Variants in SCAMP4 observed in about 807,000 individuals in gnomAD.
SCAMP4 encodes the protein secretory carrier membrane protein 4.
SCAMP4 carries 19 observed loss-of-function variants against 32.1 expected under a neutral mutation model. The ratio of observed to expected loss-of-function variants is 0.59; its 90% CI spans 0.41 to 0.87. The LOEUF (loss-of-function observed/expected upper bound fraction) is 0.87. Among genes scored for constraint, SCAMP4 ranks in the 40% least tolerant of loss-of-function variants. The probability of loss-of-function intolerance (pLI) is 0.00; values close to 1 mark genes in which losing one functional copy is unlikely to be tolerated. For synonymous variants in SCAMP4, 152 were observed against 132.7 expected, an observed-to-expected ratio of 1.15 and a Z score of -1.00; for missense variants, 302 against 309.0, an observed-to-expected ratio of 0.98 and a Z score of 0.17.
At chr19:1,923,333 G>T in intron 6 of SCAMP4, 146 bp downstream of exon 6, 1 of 701,840 alleles carries the variant, frequency 1.4e-6, no homozygotes, top group Non-Finnish European at 2.3e-6. Flanking sequence ...GCAGTGAGCT[G>T]GGATGACAGC....
rs796715937 is a variant in SCAMP4 at position 1,917,908 on chromosome 19, C to T, written c.136+86C>T. Reference sequence around the variant, plus strand: ...TGGCATTCAGGCAGGGGCAGCCCGTCGGGGGCCCACCGTCTACTGAAGCCG... The same window carrying T: ...TGGCATTCAGGCAGGGGCAGCCCGTTGGGGGCCCACCGTCTACTGAAGCCG... On this transcript the variant is annotated intron_variant, in intron 3 of 6. Coordinates refer to ENST00000316097, the MANE Select transcript of SCAMP4 (RefSeq NM_079834.4). 37 of 1,552,480 alleles carry T rather than the reference C, an allele frequency of 2.4e-5. 2 individuals carry two copies. Among genetic ancestry groups the T allele is most frequent in the African/African-American group, 1.6e-4 (12 of 74,046 alleles).
intron 4 of SCAMP4, 25 bp from the exon 5 acceptor site, chr19:1,918,864 C>T (rs925963769): frequency 3.2e-6 from 5 of 1,583,454 alleles, no homozygotes; most frequent in East Asian, 4.6e-5. Flanking sequence ...CTGTGGTAAC[C>T]GTCGTGTTTT....
rs754448917 is a variant in SCAMP4, at chr19:1,912,598, A to C, written c.-41-2381A>C. The C allele has an allele frequency of 1.3e-6, 2 of 1,489,130 alleles. No homozygotes were observed. The highest frequency in any genetic ancestry group is 2.9e-5 in the African/African-American group (2 of 68,356). The allele number at this position is 1,489,130 out of a possible 1,614,324, so 92.2% of individuals were successfully genotyped here. A position where few individuals can be genotyped will look rare whatever the true frequency, so the allele number is the denominator to read the frequency against. On this transcript the variant is annotated intron_variant, in intron 1 of 6. Coordinates refer to ENST00000316097, the MANE Select transcript of SCAMP4 (RefSeq NM_079834.4). Reference sequence around the variant, plus strand: ...CTGGCTGGGCGGCTCTTCTCCACGCAGGAGCGCGCCGCCATGCAGAGCCAC... The same window carrying C: ...CTGGCTGGGCGGCTCTTCTCCACGCCGGAGCGCGCCGCCATGCAGAGCCAC...
intron 5 of SCAMP4, chr19:1,922,384 G>T: frequency 7.3e-6 from 5 of 684,056 alleles, no homozygotes; most frequent in Non-Finnish European, 9.0e-6. Flanking sequence ...ACAGGCATGC[G>T]CCCTCATGCC....
chr19:1,912,942 G>T (rs1475711491), intron 1 of SCAMP4: 4 of 1,610,346 alleles, frequency 2.5e-6, no homozygotes, highest in Non-Finnish European at 2.5e-6. Context: ...CACTGGCTAC[G>T]ACCTGTACGT....
chr19:1,914,796 C>T (rs11666645), intron 1 of SCAMP4, among the ~76,000 whole-genome samples, 183 bp from the exon 2 acceptor site: 107,016 of 151,992 alleles, frequency 0.7, 38,813 homozygotes, highest in Non-Finnish European at 0.82. Flanking sequence ...GCACTGGAGC[C>T]GAGGGGAGGG....
chr19:1,920,129 A>G (rs2013872512), intron 5 of SCAMP4: 1 of 985,414 alleles, frequency 1.0e-6, no homozygotes, highest in African/African-American at 1.7e-5. Flanking sequence ...GGCTTTTTAA[A>G]TAGGCTTTTT....
At chr19:1,912,561 G>A in intron 1 of SCAMP4, 1 of 1,499,870 alleles carries the variant, frequency 6.7e-7, no homozygotes, top group Non-Finnish European at 8.8e-7. Context: ...GGACAAGCAG[G>A]TGACCAGCGC....
intron 5 of SCAMP4, chr19:1,920,261 C>CGTGG: frequency 2.0e-6 from 2 of 985,456 alleles, no homozygotes; most frequent in Non-Finnish European, 2.4e-6. Flanking sequence ...CTCACGGAGC[C>CGTGG]GTGGGTGCCT....
intron 5 of SCAMP4, chr19:1,920,168 G>A (rs2013873068): frequency 1.0e-6 from 1 of 985,398 alleles, no homozygotes; most frequent in Non-Finnish European, 1.2e-6. Flanking sequence ...ATTCTCAGTT[G>A]CAGAGAGTGA....
chr19:1,913,168 T>C (rs2013590089), intron 1 of SCAMP4: 6 of 1,502,956 alleles, frequency 4.0e-6, no homozygotes, highest in Non-Finnish European at 4.4e-6. Context: ...CCCTCCTGCC[T>C]CCGGACCCTT....
intron 5 of SCAMP4, among the ~76,000 whole-genome samples, chr19:1,919,856 CTGGGGTGCAGTGACATGATCT>C (rs2145455367): frequency 6.6e-6 from 1 of 151,060 alleles, no homozygotes; most frequent in African/African-American, 2.4e-5. Flanking sequence ...GTCACTCAGG[CTGGGGTGCAGTGACATGATCT>C]TGGCTCACTG....
intron 1 of SCAMP4, 98 bp from the exon 2 acceptor site, chr19:1,914,881 A>G: frequency 3.1e-6 from 3 of 978,628 alleles, no homozygotes; most frequent in Admixed American, 1.9e-5. Context: ...TCCAGAGCAC[A>G]GGGCACGATG....
chr19:1,915,608 A>G (rs1001702502), intron 2 of SCAMP4: 1 of 158,932 alleles, frequency 6.3e-6, no homozygotes, highest in African/African-American at 2.4e-5. Context: ...AAGATAAAGT[A>G]CTGGAGCAGG....
intron 1 of SCAMP4, chr19:1,912,962 G>A: frequency 1.2e-6 from 2 of 1,610,198 alleles, no homozygotes; most frequent in Non-Finnish European, 1.7e-6. Context: ...TGACCCGCGA[G>A]CCCTGCGCCA....
At chr19:1,921,602 GGGGC>G (rs2013922721) in intron 5 of SCAMP4, 1 of 985,470 alleles carries the variant, frequency 1.0e-6, no homozygotes, top group Non-Finnish European at 1.2e-6. Flanking sequence ...GGAAGCTGCG[GGGGC>G]GGCGGCAGGA....
chr19:1,920,481 G>A (rs1222062576), intron 5 of SCAMP4, among the ~76,000 whole-genome samples: 1 of 152,142 alleles, frequency 6.6e-6, no homozygotes, highest in Non-Finnish European at 1.5e-5. Context: ...GGGTGGCTGG[G>A]ATCTGTGGTT....
chr19:1,924,231 C>A lies in SCAMP4; in HGVS notation c.637C>A (p.Leu213Met), dbSNP rs1389626781. ...GTACAACAACTTCTCAGGCAACAGCCTGCCCGAGTACCCCACTGTGCCCAG... is the reference window on the plus strand; with the variant it reads ...GTACAACAACTTCTCAGGCAACAGCATGCCCGAGTACCCCACTGTGCCCAG... ...AQYNNFSGNS[L>M]PEYPTVPSYP... The change falls in exon 7 of 7, where the codon CTG becomes ATG. Residue 213 changes from leucine (L) to methionine (M), a missense_variant. Physicochemically the swap from Leu to Met is conservative, Grantham distance 15 (BLOSUM62 2). Coordinates refer to ENST00000316097, the MANE Select transcript of SCAMP4 (RefSeq NM_079834.4). 1 of 1,606,420 alleles carries A rather than the reference C, an allele frequency of 6.2e-7. No individual in the cohort carries two copies. Among genetic ancestry groups the A allele is most frequent in the African/African-American group, 1.3e-5 (1 of 74,760 alleles).
At chr19:1,910,780 T>G (rs764396224) in intron 1 of SCAMP4, among the ~76,000 whole-genome samples, 4 of 151,726 alleles carry the variant, frequency 2.6e-5, no homozygotes, top group Non-Finnish European at 4.4e-5. Flanking sequence ...TTTCACCATG[T>G]TGGTCAGGCT....
Sources: allele counts gnomAD v4.1 joint callset (sites outside exome capture counted in the v4.1 genomes callset), GRCh38; gene constraint gnomAD v4.1.1; transcripts MANE v1.5; gene names NCBI Gene and HGNC (gene_info 2026-07-23, HGNC 2026-07-21).